The following USP8 variants were observed in gnomAD, a reference collection of about 807,000 sequenced individuals.
USP8 encodes the protein ubiquitin specific peptidase 8.
A neutral mutation model predicts 130.0 loss-of-function variants in USP8; 27 were observed. The ratio of observed to expected loss-of-function variants is 0.21; its 90% CI spans 0.15 to 0.29. The LOEUF (loss-of-function observed/expected upper bound fraction) is 0.29, where lower values mean the gene tolerates loss of function less well. Among genes scored for constraint, USP8 ranks in the 10% least tolerant of loss-of-function variants. The pLI is 1.00. For synonymous variants in USP8, 392 were observed against 444.1 expected (o/e 0.88, Z 1.48); for missense variants, 1,029 against 1,312.2 (o/e 0.78, Z 3.33).
chr15:50,437,097 T>C (rs879272222), intron 1 of USP8, among the ~76,000 whole-genome samples: 2 of 152,232 alleles, frequency 1.3e-5, no homozygotes, highest in African/African-American at 4.8e-5. Flanking sequence ...CATATTTATG[T>C]ATGTTGCATT....
At position 50,508,355 on chromosome 15, in the gene USP8, T is replaced by C. The variant is rs1050796775; in HGVS notation, c.*9267T>C. Reference sequence around the variant, plus strand: ...AGAGTGGGTCAGTATTAAGATGAATTGATCATTTATTTTATATTCAAATAT... The same window carrying C: ...AGAGTGGGTCAGTATTAAGATGAATCGATCATTTATTTTATATTCAAATAT... On this transcript the variant is annotated 3_prime_UTR_variant, in exon 20 of 20. Coordinates refer to ENST00000307179, the MANE Select transcript of USP8 (RefSeq NM_005154.5). The C allele has an allele frequency of 1.3e-5, 2 of 152,206 alleles. No individual in the cohort carries two copies. The highest frequency in any genetic ancestry group is 4.8e-5 in the African/African-American group (2 of 41,460). The allele number at this position is 152,206 out of a possible 1,614,324, so 9.4% of individuals were successfully genotyped here.
intron 12 of USP8, among the ~76,000 whole-genome samples, chr15:50,489,092 T>C (rs1426806096): frequency 6.6e-6 from 1 of 152,192 alleles, no homozygotes; most frequent in African/African-American, 2.4e-5. Context: ...TGTTTTCTAT[T>C]AATTTTTTAA....
chr15:50,497,034 G>C, intron 17 of USP8, 55 bp from the exon 18 acceptor site: 1 of 1,551,738 alleles, frequency 6.4e-7, no homozygotes, highest in South Asian at 1.2e-5. Flanking sequence ...GGTGCTCTCT[G>C]ACATTATTGA....
chr15:50,494,010 T>C (rs1006354709), intron 15 of USP8, 60 bp from the exon 16 acceptor site: 28 of 1,561,466 alleles, frequency 1.8e-5, no homozygotes, highest in Non-Finnish European at 2.3e-5. Context: ...GAATCTACTG[T>C]ACCTTGCTTA....
At chr15:50,481,448 C>A in intron 10 of USP8, 33 bp from the exon 11 acceptor site, 1 of 1,449,542 alleles carries the variant, frequency 6.9e-7, no homozygotes, top group Non-Finnish European at 9.1e-7. Flanking sequence ...TGATTTTTGA[C>A]AAAAATGTTT....
intron 1 of USP8, among the ~76,000 whole-genome samples, chr15:50,426,570 T>C (rs2049733248): frequency 6.6e-6 from 1 of 152,194 alleles, no homozygotes; most frequent in Admixed American, 6.5e-5. Flanking sequence ...AAATGGCTAA[T>C]TCACGTGAAG....
intron 1 of USP8, among the ~76,000 whole-genome samples, chr15:50,434,169 C>T (rs1236280306): frequency 2.0e-5 from 3 of 151,700 alleles, no homozygotes; most frequent in Non-Finnish European, 4.4e-5. Context: ...GTCGCCCAGA[C>T]TCCGCTCACT....
intron 11 of USP8, among the ~76,000 whole-genome samples, chr15:50,482,388 T>A (rs922608414): frequency 6.6e-6 from 1 of 152,252 alleles, no homozygotes; most frequent in African/African-American, 2.4e-5. Context: ...GAGTGAAATA[T>A]AATCTCCTTC....
In USP8 at chr15:50,500,834, G is replaced by C; in HGVS notation, c.*1746G>C. 1 of 1,577,934 alleles carries C rather than the reference G, an allele frequency of 6.3e-7. No homozygotes were observed. On this transcript the variant is annotated 3_prime_UTR_variant, in exon 20 of 20. Coordinates refer to ENST00000307179, the MANE Select transcript of USP8 (RefSeq NM_005154.5). ...TGGCCACCATCCAAATCACCAAAAT[G>C]GTTCTATGGGAGAAAGGAATGTCAA...
chr15:50,490,790 C>G (rs2052130848), intron 14 of USP8, among the ~76,000 whole-genome samples: 3 of 152,170 alleles, frequency 2.0e-5, no homozygotes, highest in Admixed American at 2.0e-4. Context: ...TTTACAGTTT[C>G]ATGCCAGAGT....
chr15:50,490,414 G>A lies in USP8; in HGVS notation c.2123G>A (p.Arg708Lys), dbSNP rs752302468. 3.7e-6 allele frequency: 6 copies of A among 1,614,006 alleles called. No individual in the cohort carries two copies. The East Asian group carries it at 1.1e-4, about 30-fold the overall frequency. ...CCACAGATTCCTGCTGAGCGGGATA[G>A]GGAACCTTCCAAACTGAAGCGCTCC... ...AKPQIPAERD[R>K]EPSKLKRSYS... Residue 708 changes from arginine (R) to lysine (K), a missense_variant, in exon 14 of 20, where the codon AGG becomes AAG. By Grantham distance (26) the Arg-to-Lys change is conservative (BLOSUM62 2). Coordinates refer to ENST00000307179, the MANE Select transcript of USP8 (RefSeq NM_005154.5).
At position 50,463,762 on chromosome 15, in the gene USP8, T is replaced by C. The variant is rs142111591; in HGVS notation, c.542-1285T>C. 8.9e-3 allele frequency among the ~76,000 whole-genome samples: 1,357 copies of C among 152,326 alleles called. 21 individuals are homozygous for C. The highest frequency in any genetic ancestry group is 7.8e-3 in the Non-Finnish European group (531 of 68,028). On this transcript the variant is annotated intron_variant, in intron 6 of 19. Transcript: ENST00000307179. ...GCTATAGGTCTTTTAGCATAGGAGC[T>C]ACTGAGACTACTTTTCTTCTCACAG... is the stretch of plus-strand genomic sequence containing the variant.
intron 1 of USP8, among the ~76,000 whole-genome samples, chr15:50,430,277 G>A (rs1242761440): frequency 6.6e-6 from 1 of 152,118 alleles, no homozygotes; most frequent in African/African-American, 2.4e-5. Context: ...AACCGGGGAG[G>A]TGGAGGTTTT....
At chr15:50,426,239 T>G (rs2049716624) in intron 1 of USP8, among the ~76,000 whole-genome samples, 1 of 152,156 alleles carries the variant, frequency 6.6e-6, no homozygotes, top group South Asian at 2.1e-4. Context: ...TAGCACTATA[T>G]TACGAACTTT....
intron 8 of USP8, among the ~76,000 whole-genome samples, chr15:50,473,448 A>T (rs1221418943): frequency 6.6e-6 from 1 of 152,182 alleles, no homozygotes; most frequent in African/African-American, 2.4e-5. Flanking sequence ...CAGTACAGAC[A>T]TAACCATCAT....
rs747180322 is a variant in USP8, at chr15:50,496,028, G to C, written c.2839G>C (p.Glu947Gln). 1 of 1,613,960 alleles carries C rather than the reference G, an allele frequency of 6.2e-7. No individual in the cohort carries two copies. The highest frequency in any genetic ancestry group is 2.2e-5 in the East Asian group (1 of 44,866). ...ATGTCACAAAAAGTCTAGGACATTT[G>C]AGGCCTTCATGTATTTGTCTCTACC... The part of the protein sequence containing the change: ...LTCHKKSRTF[E>Q]AFMYLSLPLA... The change falls in exon 17 of 20, where the codon GAG (glutamate) becomes CAG (glutamine). Residue 947 changes from glutamate (E) to glutamine (Q), a missense_variant. Glu to Gln is a conservative substitution (Grantham distance 29). Around this residue, in one of 4 missense-constraint regions of USP8, gnomAD observed 257 missense variants for 429.8 expected, o/e 0.60. Transcript: ENST00000307179.
intron 8 of USP8, among the ~76,000 whole-genome samples, chr15:50,472,191 G>A (rs1034526905): frequency 6.6e-6 from 1 of 152,022 alleles, no homozygotes; most frequent in African/African-American, 2.4e-5. Flanking sequence ...TTGAGCAGCT[G>A]CGCCCAGCCC....
intron 4 of USP8, among the ~76,000 whole-genome samples, chr15:50,450,621 G>A (rs536713389): frequency 6.6e-6 from 1 of 151,894 alleles, no homozygotes; most frequent in East Asian, 1.9e-4. Flanking sequence ...ACAGGCATGT[G>A]CCACCATGCC....
At chr15:50,484,220 G>T (rs2051872749) in intron 11 of USP8, 55 bp from the exon 12 acceptor site, 43 of 1,419,484 alleles carry the variant, frequency 3.0e-5, no homozygotes, top group Non-Finnish European at 2.9e-5. Context: ...GTAGCTTTAT[G>T]TTGGGAGGAG....
Sources: gnomAD v4.1 joint callset for allele counts (sites outside exome capture counted in the v4.1 genomes callset) on GRCh38, gnomAD v4.1.1 for gene constraint, gnomAD v4.1.1 regional missense constraint, MANE v1.5 for transcripts, NCBI Gene and HGNC (gene_info 2026-07-23, HGNC 2026-07-21) for gene names.